Variants in CHD9 observed in about 807,000 individuals in gnomAD.
CHD9 encodes chromodomain helicase DNA binding protein 9.
Under a neutral mutation model 316.1 loss-of-function variants are expected in CHD9, and 77 were observed. The ratio of observed to expected loss-of-function variants is 0.24; its 90% CI spans 0.20 to 0.29. The LOEUF is 0.29. CHD9 is among the 10% of genes least tolerant of loss of function. CHD9 has a pLI of 1.00. For missense variants in CHD9, 2,763 were observed against 3,438.1 expected, an observed-to-expected ratio of 0.80 and a Z score of 4.91; for synonymous variants, 1,129 against 1,158.3, an observed-to-expected ratio of 0.97 and a Z score of 0.51.
At chr16:53,165,909 G>C (rs1597243060) in intron 2 of CHD9, among the ~76,000 whole-genome samples, 1 of 152,202 alleles carries the variant, frequency 6.6e-6, no homozygotes, top group East Asian at 1.9e-4. Flanking sequence ...TTGTCTCCTT[G>C]AATGATTAAA....
At chr16:53,308,024 C>G (rs2056141550) in intron 33 of CHD9, 71 bp downstream of exon 33, 1 of 1,327,640 alleles carries the variant, frequency 7.5e-7, no homozygotes, top group African/African-American at 1.5e-5. Context: ...CTGCAAATGG[C>G]TGCCTGCTCT....
intron 17 of CHD9, chr16:53,250,321 G>A (rs1482496404): frequency 1.0e-5 from 4 of 396,536 alleles, no homozygotes; most frequent in Non-Finnish European, 1.8e-5. Flanking sequence ...ATACCTAATT[G>A]AGTACAGTAC....
chr16:53,218,421 T>A (rs943505023), intron 3 of CHD9, among the ~76,000 whole-genome samples: 1 of 152,142 alleles, frequency 6.6e-6, no homozygotes, highest in Non-Finnish European at 1.5e-5. Context: ...AAAGGGCAAG[T>A]GTTTAAGATT....
chr16:53,262,325 T>A (rs2051218777), intron 19 of CHD9, among the ~76,000 whole-genome samples: 1 of 152,160 alleles, frequency 6.6e-6, no homozygotes, highest in African/African-American at 2.4e-5. Flanking sequence ...AGTGTTATCT[T>A]TAGAGTTTCT....
chr16:53,072,681 CTTTTTATTTTTTTATTT>C (rs1446982590), intron 1 of CHD9, among the ~76,000 whole-genome samples: 1 of 151,534 alleles, frequency 6.6e-6, no homozygotes, highest in Non-Finnish European at 1.5e-5. Context: ...CAGCCTATAA[CTTTTTATTTTTTTATTT>C]TTTTTATTTT....
chr16:53,171,881 C>CAG (rs1567418540), intron 2 of CHD9, among the ~76,000 whole-genome samples: 2 of 138,860 alleles, frequency 1.4e-5, no homozygotes, highest in African/African-American at 6.5e-5. Flanking sequence ...CACACACACA[C>CAG]ACACACACAC....
rs535681929 is a variant in CHD9 at position 53,245,863 on chromosome 16, G to A, written c.3454+13G>A. 10 of 1,462,672 alleles carry A rather than the reference G, an allele frequency of 6.8e-6. No homozygotes were observed. In the East Asian group the frequency reaches 2.4e-4, roughly 35 times the overall value. 90.6% of individuals were successfully genotyped at this position (1,462,672 alleles called of 1,614,324 possible). A position where few individuals can be genotyped will look rare whatever the true frequency, so the allele number is the denominator to read the frequency against. ...TATCTTATAAAAGGTAGCTAAAAAA[G>A]ATTACAACAAATATGTTTTTTCTTG... is the stretch of plus-strand genomic sequence containing the variant. On this transcript the variant is annotated intron_variant, in intron 15 of 38. Transcript: ENST00000447540. The surrounding 1 kb of genome is among the most constrained non-coding windows in gnomAD (Gnocchi z 4.1).
At chr16:53,133,693 A>G (rs1302824108) in intron 1 of CHD9, among the ~76,000 whole-genome samples, 1 of 152,224 alleles carries the variant, frequency 6.6e-6, no homozygotes, top group Non-Finnish European at 1.5e-5. Flanking sequence ...ATATGAATAC[A>G]GATAGAAAAC....
intron 1 of CHD9, among the ~76,000 whole-genome samples, chr16:53,109,329 C>T (rs1026829815): frequency 6.6e-6 from 1 of 152,110 alleles, no homozygotes; most frequent in African/African-American, 2.4e-5. Flanking sequence ...TTTTGGGACT[C>T]GTAGTCCAGC....
chr16:53,186,235 C>T (rs1011023536), intron 2 of CHD9, among the ~76,000 whole-genome samples: 3 of 152,226 alleles, frequency 2.0e-5, no homozygotes, highest in African/African-American at 4.8e-5. Context: ...TGGGAGCCCA[C>T]CTCTTGTATC....
At chr16:53,318,399 GAA>G (rs1314502430) in intron 37 of CHD9, 59 bp downstream of exon 37, 137 of 1,349,778 alleles carry the variant, frequency 1.0e-4, no homozygotes, top group Non-Finnish European at 2.8e-5. Context: ...GAGATCTCCA[GAA>G]CACTATTTCA....
chr16:53,126,506 C>A (rs1431325749), intron 1 of CHD9, among the ~76,000 whole-genome samples: 2 of 149,802 alleles, frequency 1.3e-5, no homozygotes, highest in African/African-American at 4.9e-5. Flanking sequence ...CAACTTTCCT[C>A]TTTTGACTAT....
intron 24 of CHD9, among the ~76,000 whole-genome samples, chr16:53,275,856 A>G (rs2153019990): frequency 6.6e-6 from 1 of 152,290 alleles, no homozygotes; most frequent in East Asian, 1.9e-4. Flanking sequence ...GATCCATTCA[A>G]CACCCTGGTC....
chr16:53,267,164 G>A, intron 20 of CHD9, 130 bp from the exon 21 acceptor site: 1 of 541,002 alleles, frequency 1.8e-6, no homozygotes, highest in Non-Finnish European at 3.1e-6. Flanking sequence ...TGAATAGGTT[G>A]GTGAAATTGT....
chr16:53,181,153 G>A (rs1378798261), intron 2 of CHD9, among the ~76,000 whole-genome samples: 1 of 151,954 alleles, frequency 6.6e-6, no homozygotes. Context: ...TGGGATTACA[G>A]GCATGTGCCA....
rs1195634606 is a variant in CHD9 at position 53,305,002 on chromosome 16, CT to C, written c.6619+381del. Among the ~76,000 whole-genome samples, 3 of 151,036 alleles carry C rather than the reference CT, an allele frequency of 2.0e-5. No individual in the cohort carries two copies. In the East Asian group the frequency reaches 6.0e-4, roughly 30 times the overall value. Reference sequence around the variant, plus strand: ...AGCCACCAGGCCTGGCCTAATATAACTTTTCAAGTGAAAATGAAAAGAACTC... The same window carrying C: ...AGCCACCAGGCCTGGCCTAATATAACTTTCAAGTGAAAATGAAAAGAACTC... On this transcript the variant is annotated intron_variant, in intron 31 of 38. Coordinates refer to ENST00000447540, the MANE Select transcript of CHD9 (RefSeq NM_001308319.2).
Position 53,314,026 on chromosome 16 carries a change from A to AT in CHD9, c.7223-343dup, listed in dbSNP as rs530638489. ...TTGGCACAAAAAGCAGAGATAAATG[A>AT]TTTTTTTTAAAAAAACAAGCTTTTG... On this transcript the variant is annotated intron_variant, in intron 34 of 38. Coordinates refer to ENST00000447540, the MANE Select transcript of CHD9 (RefSeq NM_001308319.2). 2.6e-4 allele frequency among the ~76,000 whole-genome samples: 40 copies of AT among 152,100 alleles called. 2 individuals are homozygous for AT. Among genetic ancestry groups the AT allele is most frequent in the African/African-American group, 8.7e-4 (36 of 41,532 alleles).
intron 1 of CHD9, among the ~76,000 whole-genome samples, chr16:53,094,183 T>G (rs1173113215): frequency 6.6e-6 from 1 of 152,178 alleles, no homozygotes; most frequent in Non-Finnish European, 1.5e-5. Flanking sequence ...ATGGGCTTGG[T>G]GACCAAACTG....
intron 24 of CHD9, among the ~76,000 whole-genome samples, chr16:53,275,006 A>C (rs978143575): frequency 1.1e-4 from 16 of 152,110 alleles, no homozygotes; most frequent in African/African-American, 3.9e-4. Flanking sequence ...CCATTAAAGC[A>C]GACACAGATT....
Sources: allele counts gnomAD v4.1 joint callset (sites outside exome capture counted in the v4.1 genomes callset), GRCh38; gene constraint gnomAD v4.1.1; non-coding constraint Gnocchi (gnomAD v3.1); transcripts MANE v1.5; gene names NCBI Gene and HGNC (gene_info 2026-07-23, HGNC 2026-07-21).